TRPC1: variants seen among roughly 807,000 people sequenced by gnomAD.
TRPC1 encodes short transient receptor potential channel 1.
Under a neutral mutation model 88.2 loss-of-function variants are expected in TRPC1, and 42 were observed. That is an observed-to-expected ratio of 0.48 (90% CI 0.37 to 0.62). The LOEUF (loss-of-function observed/expected upper bound fraction) is 0.62, where lower values mean the gene tolerates loss of function less well. TRPC1 is among the 20% of genes least tolerant of loss of function. The pLI, the probability that TRPC1 is intolerant of heterozygous loss-of-function variation, is 0.00. For missense variants in TRPC1, 699 were observed against 957.3 expected (o/e 0.73, Z 3.56); for synonymous variants, 288 against 331.8 (o/e 0.87, Z 1.43).
intron 7 of TRPC1, among the ~76,000 whole-genome samples, chr3:142,789,376 C>T (rs1936227643): frequency 1.3e-5 from 2 of 152,272 alleles, no homozygotes; most frequent in Admixed American, 6.5e-5. Flanking sequence ...CATTTTTAGA[C>T]AGTTTTCATC....
intron 3 of TRPC1, among the ~76,000 whole-genome samples, chr3:142,747,145 T>C (rs1272750513): frequency 6.6e-6 from 1 of 152,192 alleles, no homozygotes; most frequent in Non-Finnish European, 1.5e-5. Context: ...TGTTTAATCA[T>C]TGGTCCTTAG....
intron 4 of TRPC1, among the ~76,000 whole-genome samples, chr3:142,757,504 T>C (rs1027818127): frequency 1.3e-5 from 2 of 152,040 alleles, no homozygotes; most frequent in Non-Finnish European, 2.9e-5. Flanking sequence ...TGTGGGGACA[T>C]GGATGAAGCT....
In TRPC1 at chr3:142,772,481, G is replaced by A. The variant is rs2108098614; in HGVS notation, c.633-5151G>A. Among the ~76,000 whole-genome samples, 2 of 152,178 alleles carry A rather than the reference G, an allele frequency of 1.3e-5. 1 individual carries two copies. Among genetic ancestry groups the A allele is most frequent in the South Asian group, 4.1e-4 (2 of 4,826 alleles). On this transcript the variant is annotated intron_variant, in intron 4 of 12. Coordinates refer to ENST00000476941, the MANE Select transcript of TRPC1 (RefSeq NM_001251845.2). ...AGTTTTCTGGGGCTCCCATAATGAG[G>A]TACCACAAAGTAGCTTAAAAAACAA...
At chr3:142,757,196 A>C (rs1312232098) in intron 4 of TRPC1, among the ~76,000 whole-genome samples, 1 of 151,394 alleles carries the variant, frequency 6.6e-6, no homozygotes, top group African/African-American at 2.4e-5. Context: ...GGGAATGCAG[A>C]TGTTTCTTGG....
intron 4 of TRPC1, among the ~76,000 whole-genome samples, chr3:142,768,751 T>C (rs1935480341): frequency 6.6e-6 from 1 of 152,096 alleles, no homozygotes; most frequent in South Asian, 2.1e-4. Flanking sequence ...GAATTTTTTC[T>C]TTTAGAGATA....
At chr3:142,778,093 C>G in intron 5 of TRPC1, among the ~76,000 whole-genome samples, 1 of 152,090 alleles carries the variant, frequency 6.6e-6, no homozygotes, top group Non-Finnish European at 1.5e-5. Flanking sequence ...CATAGTTGCT[C>G]TCTCTCTCAC....
rs1160003062 is a variant in TRPC1 at position 142,782,228 on chromosome 3, C to T, written c.960+1199C>T. ...GATAGCTATATCCCTGAAGGACTCA[C>T]AGAGTGGAGTCCAAATGGAACCAAA... On this transcript the variant is annotated intron_variant, in intron 6 of 12. Transcript: ENST00000476941. Among the ~76,000 whole-genome samples the T allele has an allele frequency of 2.0e-5, 3 of 152,038 alleles. No homozygotes were observed. In the East Asian group the frequency reaches 5.8e-4, roughly 29 times the overall value.
chr3:142,802,336 C>A lies in TRPC1; in HGVS notation c.1749C>A (p.Thr583=). Residue 583 remains threonine, a synonymous_variant, in exon 10 of 13, where the codon ACC becomes ACA. Coordinates refer to ENST00000476941, the MANE Select transcript of TRPC1 (RefSeq NM_001251845.2). ...GIFCEQQSND[T]FHSFIGTCFA... ...TCTGTGAACAGCAAAGCAATGATAC[C>A]TTCCATTCGTGAGTATCTTTTAAAT... The A allele has an allele frequency of 1.4e-6, 2 of 1,414,322 alleles. No individual in the cohort carries two copies. The highest frequency in any genetic ancestry group is 1.8e-6 in the Non-Finnish European group (2 of 1,081,910). 87.6% of individuals were successfully genotyped at this position (1,414,322 alleles called of 1,614,324 possible). A position where few individuals can be genotyped will look rare whatever the true frequency, so the allele number is the denominator to read the frequency against.
intron 2 of TRPC1, among the ~76,000 whole-genome samples, chr3:142,737,137 A>G (rs2108022425): frequency 1.3e-5 from 2 of 152,020 alleles, no homozygotes; most frequent in Middle Eastern, 6.9e-3. Context: ...TTCAGTCTAG[A>G]GATTCTGAAG....
Position 142,806,128 on chromosome 3 carries a change from G to A in TRPC1, c.2275G>A (p.Glu759Lys), listed in dbSNP as rs774648292. Residue 759 changes from glutamate to lysine, a missense_variant, in exon 13 of 13, where the codon GAA (glutamate) becomes AAA (lysine). By Grantham distance (56) the Glu-to-Lys change is moderately conservative. Around this residue, in one of 4 missense-constraint regions of TRPC1, gnomAD observed 105 missense variants for 141.7 expected, o/e 0.74. Coordinates refer to ENST00000476941, the MANE Select transcript of TRPC1 (RefSeq NM_001251845.2). ...GCAAAGTACAGATCAGGCAACTGTGGAAAATCTAAACGAACTGCGCCAAGA... is the reference window on the plus strand; with the variant it reads ...GCAAAGTACAGATCAGGCAACTGTGAAAAATCTAAACGAACTGCGCCAAGA... The part of the protein sequence containing the change: ...KMQSTDQATV[E>K]NLNELRQDLS... 6.2e-7 allele frequency: 1 copy of A among 1,613,862 alleles called. No homozygotes were observed. Among genetic ancestry groups the A allele is most frequent in the Non-Finnish European group, 8.5e-7 (1 of 1,179,864 alleles).
At chr3:142,763,959 AATATATATATAT>A (rs1159520441) in intron 4 of TRPC1, among the ~76,000 whole-genome samples, 2 of 76,316 alleles carry the variant, frequency 2.6e-5, no homozygotes, top group South Asian at 3.1e-4. Context: ...AAAAAAAAGA[AATATATATATAT>A]ATATATATAT....
chr3:142,804,346 A>T (rs911044981), intron 11 of TRPC1, 90 bp from the exon 12 acceptor site: 67 of 1,274,742 alleles, frequency 5.3e-5, no homozygotes, highest in Non-Finnish European at 7.0e-5. Flanking sequence ...CAAATGTTGA[A>T]CAAAATTTTT....
chr3:142,807,338 T>C lies in TRPC1; in HGVS notation c.*1103T>C, dbSNP rs1261283319. On this transcript the variant is annotated 3_prime_UTR_variant, in exon 13 of 13. Transcript: ENST00000476941. ...TTCTTGCTGCTTAAGATGAAAAGCA[T>C]TGGTTTTTTAAAATTAGAGAATAAA... is the stretch of plus-strand genomic sequence containing the variant. 1 of 152,194 alleles carries C rather than the reference T, an allele frequency of 6.6e-6. No homozygotes were observed. 9.4% of individuals were successfully genotyped at this position (152,194 alleles called of 1,614,324 possible).
chr3:142,730,509 T>A (rs1933855623), intron 1 of TRPC1, among the ~76,000 whole-genome samples: 1 of 152,098 alleles, frequency 6.6e-6, no homozygotes, highest in Non-Finnish European at 1.5e-5. Context: ...TCATTTACAA[T>A]AATATGGTTA....
At chr3:142,749,476 G>A (rs965695166) in intron 4 of TRPC1, among the ~76,000 whole-genome samples, 7 of 152,244 alleles carry the variant, frequency 4.6e-5, no homozygotes, top group African/African-American at 1.4e-4. Context: ...ACAGCTCCAT[G>A]CATGTTATTA....
intron 9 of TRPC1, chr3:142,793,997 G>A (rs1238263220): frequency 1.4e-6 from 1 of 715,976 alleles, no homozygotes; most frequent in African/African-American, 1.9e-5. Flanking sequence ...TATACCTCTT[G>A]GGAATTGACA....
chr3:142,736,899 A>G (rs951854162), intron 2 of TRPC1, among the ~76,000 whole-genome samples: 1 of 152,108 alleles, frequency 6.6e-6, no homozygotes, highest in African/African-American at 2.4e-5. Context: ...TCAGAGGAAT[A>G]GTTTTTTTTC....
intron 4 of TRPC1, among the ~76,000 whole-genome samples, chr3:142,775,817 C>T (rs912186461): frequency 6.6e-6 from 1 of 152,114 alleles, no homozygotes; most frequent in Non-Finnish European, 1.5e-5. Context: ...TAAAGAAATT[C>T]ATTTTAAACC....
intron 7 of TRPC1, among the ~76,000 whole-genome samples, chr3:142,790,352 G>A (rs1473913013): frequency 1.3e-5 from 2 of 152,154 alleles, no homozygotes; most frequent in Non-Finnish European, 1.5e-5. Flanking sequence ...TTGATTCTGA[G>A]TAAAATGGGA....
Sources: gnomAD v4.1 joint callset for allele counts (sites outside exome capture counted in the v4.1 genomes callset) on GRCh38, gnomAD v4.1.1 for gene constraint, gnomAD v4.1.1 regional missense constraint, MANE v1.5 for transcripts, NCBI Gene and HGNC (gene_info 2026-07-23, HGNC 2026-07-21) for gene names.